The following SVOP variants were observed in gnomAD, a reference collection of about 807,000 sequenced individuals.
SVOP encodes the protein SV2 related protein, also known as synaptic vesicle 2-related protein.
In SVOP, 17 loss-of-function variants were observed where a neutral mutation model predicts 69.1. That is an observed-to-expected ratio of 0.25 (90% CI 0.17 to 0.37). The LOEUF (loss-of-function observed/expected upper bound fraction) is 0.37, where lower values mean the gene tolerates loss of function less well. Among genes scored for constraint, SVOP ranks in the 10% least tolerant of loss-of-function variants. SVOP has a pLI of 1.00. For missense variants in SVOP, 435 were observed against 597.5 expected, an observed-to-expected ratio of 0.73 and a Z score of 2.84; for synonymous variants, 238 against 238.6, an observed-to-expected ratio of 1.00 and a Z score of 0.02.
chr12:108,937,254 C>T lies in SVOP; in HGVS notation c.971+10G>A, dbSNP rs961531019. On this transcript the variant is annotated intron_variant, in intron 10 of 15. Coordinates refer to ENST00000610966, the MANE Select transcript of SVOP (RefSeq NM_018711.5). Reference sequence around the variant, plus strand: ...GAAAGGGGTCAAAGTGGTCAACAAACAGCTCTTACCATATAAACCACAGCA... The same window carrying T: ...GAAAGGGGTCAAAGTGGTCAACAAATAGCTCTTACCATATAAACCACAGCA... The T allele has an allele frequency of 2.5e-6, 4 of 1,613,888 alleles. No homozygotes were observed. The highest frequency in any genetic ancestry group is 3.4e-6 in the Non-Finnish European group (4 of 1,179,804).
chr12:108,931,092 C>T lies in SVOP; in HGVS notation c.1048+3103G>A, dbSNP rs536226386. Among the ~76,000 whole-genome samples, 3 of 152,280 alleles carry T rather than the reference C, an allele frequency of 2.0e-5. No individual in the cohort carries two copies. In the East Asian group the frequency reaches 5.8e-4, roughly 29 times the overall value. On this transcript the variant is annotated intron_variant, in intron 11 of 15. Transcript: ENST00000610966. ...CTACTCTTAGGAGAGGCAATCTGTG[C>T]TCAGTCAATACCAAACCCTGTGATT...
intron 5 of SVOP, among the ~76,000 whole-genome samples, chr12:108,971,205 G>A (rs1472717960): frequency 6.6e-6 from 1 of 152,098 alleles, no homozygotes; most frequent in Non-Finnish European, 1.5e-5. Context: ...ATGGCCGGTG[G>A]ATCACTTGAG....
At chr12:108,979,324 C>CA (rs1401618947) in intron 2 of SVOP, among the ~76,000 whole-genome samples, 3 of 152,206 alleles carry the variant, frequency 2.0e-5, no homozygotes, top group Non-Finnish European at 4.4e-5. Context: ...AATGCAGCCT[C>CA]TATCTCCTGG....
chr12:108,969,870 G>C (rs2040068676), intron 5 of SVOP, among the ~76,000 whole-genome samples: 1 of 152,146 alleles, frequency 6.6e-6, no homozygotes, highest in Non-Finnish European at 1.5e-5. Flanking sequence ...CTGAAGACCA[G>C]AGTAATTCCT....
chr12:108,915,909 G>A, intron 14 of SVOP, 37 bp from the exon 15 acceptor site: 2 of 1,530,104 alleles, frequency 1.3e-6, no homozygotes, highest in Non-Finnish European at 8.8e-7. Context: ...ATGGGGACAT[G>A]CAGGTTCCTC....
chr12:108,985,096 G>A (rs1190176828), intron 1 of SVOP, among the ~76,000 whole-genome samples: 1 of 151,910 alleles, frequency 6.6e-6, no homozygotes, highest in African/African-American at 2.4e-5. Flanking sequence ...ACATGGTGGT[G>A]TGTGACTTTG....
intron 1 of SVOP, among the ~76,000 whole-genome samples, chr12:108,989,803 C>T (rs567312583): frequency 7.9e-5 from 12 of 152,276 alleles, no homozygotes; most frequent in Non-Finnish European, 1.5e-4. Context: ...TTGTAAAGCA[C>T]GAGACAAATG....
chr12:108,945,278 C>T, intron 6 of SVOP, 112 bp from the exon 7 acceptor site: 1 of 957,980 alleles, frequency 1.0e-6, no homozygotes, highest in South Asian at 1.4e-5. Flanking sequence ...CAGTGAACCA[C>T]TTACATCAGA....
intron 4 of SVOP, among the ~76,000 whole-genome samples, chr12:108,973,035 T>G (rs1221816226): frequency 6.6e-6 from 1 of 152,148 alleles, no homozygotes; most frequent in Non-Finnish European, 1.5e-5. Flanking sequence ...GAGGCTCAGA[T>G]AGATTAGAAA....
At chr12:108,990,775 T>C (rs2040195368) in intron 1 of SVOP, among the ~76,000 whole-genome samples, 1 of 152,170 alleles carries the variant, frequency 6.6e-6, no homozygotes, top group Non-Finnish European at 1.5e-5. Flanking sequence ...CTTTGGACTG[T>C]CACTTGAGTC....
chr12:109,000,074 A>G (rs1400148815), intron 1 of SVOP, among the ~76,000 whole-genome samples: 1 of 152,148 alleles, frequency 6.6e-6, no homozygotes, highest in African/African-American at 2.4e-5. Flanking sequence ...AGCAAGACTA[A>G]TAAAGAAAAA....
Position 108,940,876 on chromosome 12 carries a change from C to T in SVOP, c.676G>A (p.Val226Ile), listed in dbSNP as rs373960703. The T allele has an allele frequency of 1.4e-4, 221 of 1,537,066 alleles. No homozygotes were observed. The highest frequency in any genetic ancestry group is 6.2e-4 in the South Asian group (52 of 84,048). Residue 226 changes from valine (V) to isoleucine (I), a missense_variant, in exon 8 of 16, where the codon GTC (valine) becomes ATC (isoleucine). Val to Ile is a conservative substitution (Grantham distance 29). Coordinates refer to ENST00000610966, the MANE Select transcript of SVOP (RefSeq NM_018711.5). ...CTGGGCATCACGAACACAGCCAGGA[C>T]GACCTCGAACACTGTCCCGATGGCC... ...FWAIGTVFEVVLAVFVMPSLG... is the reference protein window; with the variant it reads ...FWAIGTVFEVILAVFVMPSLG...
Position 109,020,900 on chromosome 12 carries a change from T to TG in SVOP, c.-33dup, listed in dbSNP as rs750789043. The TG allele has an allele frequency of 1.1e-5, 8 of 717,560 alleles. No individual in the cohort carries two copies. In the African/African-American group the frequency reaches 1.4e-4, roughly 13 times the overall value. 44.4% of individuals were successfully genotyped at this position (717,560 alleles called of 1,614,324 possible). A position where few individuals can be genotyped will look rare whatever the true frequency, so the allele number is the denominator to read the frequency against. ...GCTGCGCCAGGATGAGCCCTTCTCA[T>TG]GGCCCTTACATGGTAGTGGTGGATG... On this transcript the variant is annotated 5_prime_UTR_variant, in exon 1 of 16. Transcript: ENST00000610966.
intron 1 of SVOP, among the ~76,000 whole-genome samples, chr12:108,991,010 C>T (rs1382749639): frequency 6.6e-6 from 1 of 152,204 alleles, no homozygotes; most frequent in Admixed American, 6.5e-5. Context: ...CTGCCCTCAA[C>T]CCCATCGTGA....
At chr12:108,937,112 A>G (rs2039861178) in intron 10 of SVOP, 152 bp downstream of exon 10, 3 of 727,238 alleles carry the variant, frequency 4.1e-6, no homozygotes, top group East Asian at 2.5e-5. Context: ...TAACCTGGAT[A>G]TGACGGAAAT....
At chr12:108,976,021 C>T (rs2040104594) in intron 4 of SVOP, among the ~76,000 whole-genome samples, 2 of 151,968 alleles carry the variant, frequency 1.3e-5, no homozygotes. Context: ...CTTTAGGAGA[C>T]ATTGGTAAGA....
chr12:108,961,106 G>T, intron 5 of SVOP, 59 bp from the exon 6 acceptor site: 1 of 1,495,706 alleles, frequency 6.7e-7, no homozygotes, highest in Non-Finnish European at 8.9e-7. Flanking sequence ...GGTAGCGTTT[G>T]CACCTCACTG....
At chr12:108,917,931 C>T (rs1481477849) in intron 14 of SVOP, 112 bp downstream of exon 14, 4 of 835,838 alleles carry the variant, frequency 4.8e-6, no homozygotes, top group South Asian at 1.9e-5. Flanking sequence ...TAGGCATGAG[C>T]TACCGCGCCC....
At chr12:109,008,941 C>CT (rs1228129000) in intron 1 of SVOP, among the ~76,000 whole-genome samples, 8 of 144,420 alleles carry the variant, frequency 5.5e-5, no homozygotes, top group Non-Finnish European at 3.0e-5. Context: ...GTCTTTGTAA[C>CT]TTTTTTTTTC....
Sources: gnomAD v4.1 joint callset for allele counts (sites outside exome capture counted in the v4.1 genomes callset) on GRCh38, gnomAD v4.1.1 for gene constraint, MANE v1.5 for transcripts, NCBI Gene and HGNC (gene_info 2026-07-23, HGNC 2026-07-21) for gene names.